SLC24A4: variants seen among roughly 807,000 people sequenced by gnomAD.
SLC24A4 encodes the protein solute carrier family 24 member 4.
Under a neutral mutation model 79.0 loss-of-function variants are expected in SLC24A4, and 53 were observed. The ratio of observed to expected loss-of-function variants is 0.67; its 90% CI spans 0.54 to 0.84. The LOEUF (loss-of-function observed/expected upper bound fraction) is 0.84. SLC24A4 is among the 40% of genes least tolerant of loss of function. The pLI is 0.00. For synonymous variants in SLC24A4, 323 were observed against 323.8 expected, an observed-to-expected ratio of 1.00 and a Z score of 0.03; for missense variants, 731 against 822.0, an observed-to-expected ratio of 0.89 and a Z score of 1.35.
chr14:92,440,060 G>A (rs1422065340), intron 4 of SLC24A4, among the ~76,000 whole-genome samples: 1 of 152,226 alleles, frequency 6.6e-6, no homozygotes, highest in Non-Finnish European at 1.5e-5. Flanking sequence ...TCTCCCGCGT[G>A]TTTGAGACCA....
At chr14:92,415,650 G>C (rs1315450359) in intron 2 of SLC24A4, among the ~76,000 whole-genome samples, 1 of 152,104 alleles carries the variant, frequency 6.6e-6, no homozygotes, top group East Asian at 1.9e-4. Context: ...TAGAGATGGG[G>C]TTTCACCATA....
At chr14:92,366,112 C>T (rs998750229) in intron 2 of SLC24A4, among the ~76,000 whole-genome samples, 1 of 152,196 alleles carries the variant, frequency 6.6e-6, no homozygotes, top group African/African-American at 2.4e-5. Flanking sequence ...TGCCGGGAAG[C>T]CAAGTCATTG....
At chr14:92,405,966 A>G (rs145638097) in intron 2 of SLC24A4, among the ~76,000 whole-genome samples, 3 of 152,180 alleles carry the variant, frequency 2.0e-5, no homozygotes, top group African/African-American at 2.4e-5. Context: ...CCAAAGTCTC[A>G]TCTGAAACAA....
intron 2 of SLC24A4, among the ~76,000 whole-genome samples, chr14:92,409,036 A>T (rs569809925): frequency 6.6e-6 from 1 of 152,160 alleles, no homozygotes; most frequent in East Asian, 1.9e-4. Flanking sequence ...GGAGCCATAT[A>T]TGTTGAGCTG....
At chr14:92,338,167 A>C (rs1303611699) in intron 2 of SLC24A4, among the ~76,000 whole-genome samples, 3 of 152,158 alleles carry the variant, frequency 2.0e-5, no homozygotes, top group Admixed American at 2.0e-4. Flanking sequence ...GTGGGACCTG[A>C]TGAATGAGAG....
In SLC24A4 at chr14:92,497,999, C is replaced by T. The variant is rs1895989461; in HGVS notation, c.*4371C>T. On this transcript the variant is annotated 3_prime_UTR_variant, in exon 17 of 17. Coordinates refer to ENST00000532405, the MANE Select transcript of SLC24A4 (RefSeq NM_153646.4). ...TGATTTCCATGGGAACCATCCTCCC[C>T]TGGGGGCAGTTAGCAGGAGTACGTG... 6.6e-6 allele frequency: 1 copy of T among 152,232 alleles called. No homozygotes were observed. The highest frequency in any genetic ancestry group is 6.5e-5 in the Admixed American group (1 of 15,286). The allele number at this position is 152,232 out of a possible 1,614,324, so 9.4% of individuals were successfully genotyped here.
intron 12 of SLC24A4, among the ~76,000 whole-genome samples, chr14:92,477,056 G>T (rs1894802830): frequency 6.6e-6 from 1 of 152,038 alleles, no homozygotes; most frequent in South Asian, 2.1e-4. Context: ...TATTCTTTTT[G>T]GGTAAAACTA....
At position 92,399,994 on chromosome 14, in the gene SLC24A4, A is replaced by G. The variant is rs1404537959; in HGVS notation, c.242-33918A>G. 7.2e-5 allele frequency among the ~76,000 whole-genome samples: 11 copies of G among 152,176 alleles called. No individual in the cohort carries two copies. In the East Asian group the frequency reaches 7.7e-4, roughly 11 times the overall value. On this transcript the variant is annotated intron_variant, in intron 2 of 16. Coordinates refer to ENST00000532405, the MANE Select transcript of SLC24A4 (RefSeq NM_153646.4). ...AGCCTCGACTTTCTGGACTCAGGCA[A>G]TCCTCCCACCTCAGCCTCCCAAAGT...
At chr14:92,428,247 A>G (rs899692433) in intron 2 of SLC24A4, among the ~76,000 whole-genome samples, 2 of 152,166 alleles carry the variant, frequency 1.3e-5, no homozygotes, top group Admixed American at 6.5e-5. Context: ...GCCAGTGGAA[A>G]TGGCAGCAGG....
intron 8 of SLC24A4, among the ~76,000 whole-genome samples, chr14:92,446,223 G>A (rs1437354805): frequency 5.9e-5 from 9 of 151,794 alleles, no homozygotes; most frequent in Non-Finnish European, 1.0e-4. Context: ...CCAGGCTAGA[G>A]TGCAGTGGTG....
rs577588865 is a variant in SLC24A4, at chr14:92,329,187, G to A, written c.241+3209G>A. Among the ~76,000 whole-genome samples the A allele has an allele frequency of 2.8e-4, 42 of 152,366 alleles. 2 individuals carry two copies. In the East Asian group the frequency reaches 8.1e-3, roughly 29 times the overall value. ...ATGAGGCCTTTCAGGGACGTCAGAA[G>A]ATGGAGCTTTAAGAGCTCCCTCCTG... On this transcript the variant is annotated intron_variant, in intron 2 of 16. Coordinates refer to ENST00000532405, the MANE Select transcript of SLC24A4 (RefSeq NM_153646.4).
At chr14:92,453,762 A>T in intron 10 of SLC24A4, 138 bp from the exon 11 acceptor site, 1 of 881,576 alleles carries the variant, frequency 1.1e-6, no homozygotes, top group East Asian at 3.0e-5. Context: ...GAAGCCAGGC[A>T]TCCAGACTTC....
chr14:92,464,919 A>G (rs1163688578), intron 12 of SLC24A4, among the ~76,000 whole-genome samples: 3 of 152,208 alleles, frequency 2.0e-5, no homozygotes, highest in Non-Finnish European at 4.4e-5. Context: ...GAAGGAGGGC[A>G]AGGCCCCAGC....
At chr14:92,374,262 A>C (rs149426261) in intron 2 of SLC24A4, among the ~76,000 whole-genome samples, 76 of 152,308 alleles carry the variant, frequency 5.0e-4, no homozygotes, top group African/African-American at 1.8e-3. Context: ...GGCTTTCTCC[A>C]TCAGCCAGAA....
chr14:92,491,968 C>A (rs928149482), intron 15 of SLC24A4, among the ~76,000 whole-genome samples, 191 bp downstream of exon 15: 1 of 152,140 alleles, frequency 6.6e-6, no homozygotes, highest in African/African-American at 2.4e-5. Flanking sequence ...CGCTGGCGTG[C>A]CTCTCCCCAT....
chr14:92,484,890 C>G lies in SLC24A4; in HGVS notation c.1423-1776C>G, dbSNP rs181310606. On this transcript the variant is annotated intron_variant, in intron 13 of 16. Coordinates refer to ENST00000532405, the MANE Select transcript of SLC24A4 (RefSeq NM_153646.4). ...ATCATGAGCGTTGCTGAATAATACA[C>G]AGTTTGGCCACTGAGTAGTGTGATT... is the stretch of plus-strand genomic sequence containing the variant. 5.2e-4 allele frequency: 511 copies of G among 985,392 alleles called. 2 individuals carry two copies. In the African/African-American group the frequency reaches 8.4e-3, roughly 16 times the overall value. The allele number at this position is 985,392 out of a possible 1,614,324, so 61.0% of individuals were successfully genotyped here. A position where few individuals can be genotyped will look rare whatever the true frequency, so the allele number is the denominator to read the frequency against.
chr14:92,358,566 G>A (rs936350400), intron 2 of SLC24A4, among the ~76,000 whole-genome samples: 2 of 137,088 alleles, frequency 1.5e-5, no homozygotes, highest in Non-Finnish European at 3.0e-5. Context: ...AATCCAGGAG[G>A]CACCCCCAAC....
chr14:92,453,631 A>G, intron 10 of SLC24A4: 1 of 381,678 alleles, frequency 2.6e-6, no homozygotes. Context: ...CCCAGAAGAG[A>G]GGCGAAAAGA....
intron 2 of SLC24A4, among the ~76,000 whole-genome samples, chr14:92,333,624 G>C: frequency 6.6e-6 from 1 of 152,196 alleles, no homozygotes; most frequent in Non-Finnish European, 1.5e-5. Context: ...GTCCACAGAA[G>C]AAAGGCTGGG....
Sources: allele counts gnomAD v4.1 joint callset (sites outside exome capture counted in the v4.1 genomes callset), GRCh38; gene constraint gnomAD v4.1.1; transcripts MANE v1.5; gene names NCBI Gene and HGNC (gene_info 2026-07-23, HGNC 2026-07-21).